Variants in TG observed in about 807,000 individuals in gnomAD.
TG encodes the protein thyroglobulin, also known as thyroid hormones.
TG carries 270 observed loss-of-function variants against 324.7 expected under a neutral mutation model. The observed-to-expected ratio is 0.83, with a 90% confidence interval of 0.75 to 0.92. TG has a LOEUF of 0.92. Among genes scored for constraint, TG ranks in the 40% least tolerant of loss-of-function variants. TG has a pLI of 0.00. For missense variants in TG, 3,591 were observed against 3,456.4 expected, an observed-to-expected ratio of 1.04 and a Z score of -0.98; for synonymous variants, 1,401 against 1,327.0, an observed-to-expected ratio of 1.06 and a Z score of -1.21.
chr8:133,050,072 C>T, intron 41 of TG: 1 of 916,110 alleles, frequency 1.1e-6, no homozygotes, highest in Non-Finnish European at 1.8e-6. Flanking sequence ...TCAGATTTAA[C>T]CCAGGACAGT....
chr8:133,009,918 A>G (rs558108563), intron 35 of TG, among the ~76,000 whole-genome samples: 2 of 152,276 alleles, frequency 1.3e-5, no homozygotes, highest in Non-Finnish European at 2.9e-5. Flanking sequence ...TTGAGCAACC[A>G]AAACATGGCA....
At position 133,013,471 on chromosome 8, in the gene TG, A is replaced by G. The variant is rs1328235998; in HGVS notation, c.6398-129A>G. 3.5e-6 allele frequency: 4 copies of G among 1,140,638 alleles called. No individual in the cohort carries two copies. The African/African-American group carries it at 4.6e-5, about 13-fold the overall frequency. The allele number at this position is 1,140,638 out of a possible 1,614,324, so 70.7% of individuals were successfully genotyped here. The stretch of plus-strand genomic sequence containing the variant: ...GATAGACGGATGGATTCATGGATGC[A>G]TGATTGGATAGAAGGATGGATGGAT... On this transcript the variant is annotated intron_variant, in intron 36 of 47. Transcript: ENST00000220616.
chr8:133,061,125 C>A (rs1842314487), intron 41 of TG, among the ~76,000 whole-genome samples: 1 of 152,226 alleles, frequency 6.6e-6, no homozygotes, highest in Non-Finnish European at 1.5e-5. Context: ...ATTCTCCTGC[C>A]TCAGCCTTCC....
intron 16 of TG, among the ~76,000 whole-genome samples, chr8:132,903,798 C>A (rs1005918483): frequency 1.4e-4 from 22 of 152,170 alleles, no homozygotes; most frequent in African/African-American, 5.1e-4. Context: ...GCCAGGTGAC[C>A]TTGGGCTGGT....
At chr8:132,879,888 T>C (rs1424934728) in intron 5 of TG, among the ~76,000 whole-genome samples, 1 of 152,248 alleles carries the variant, frequency 6.6e-6, no homozygotes, top group Non-Finnish European at 1.5e-5. Flanking sequence ...GTGGAGGTCA[T>C]GTCTGCCATG....
intron 27 of TG, among the ~76,000 whole-genome samples, chr8:132,949,549 C>T (rs1426822968): frequency 3.9e-5 from 6 of 152,128 alleles, no homozygotes; most frequent in Non-Finnish European, 5.9e-5. Flanking sequence ...CAATCTGTCC[C>T]CCAAACTAAT....
chr8:132,886,376 G>T, intron 8 of TG, 72 bp from the exon 9 acceptor site: 1 of 1,598,858 alleles, frequency 6.3e-7, no homozygotes, highest in East Asian at 2.2e-5. Context: ...CTACCTAAAG[G>T]ATCTGAGGAG....
chr8:133,036,706 C>G (rs1207302933), intron 41 of TG: 1 of 152,654 alleles, frequency 6.6e-6, no homozygotes, highest in Non-Finnish European at 1.5e-5. Flanking sequence ...CCATCCTCCT[C>G]AACCCAGAAA....
At chr8:132,883,125 C>T in intron 8 of TG, 126 bp downstream of exon 8, 1 of 979,506 alleles carries the variant, frequency 1.0e-6, no homozygotes, top group South Asian at 1.7e-5. Flanking sequence ...GCCCTTCAAG[C>T]TCAACCTGTC....
At chr8:132,950,078 A>G (rs1176629794) in intron 27 of TG, among the ~76,000 whole-genome samples, 1 of 152,262 alleles carries the variant, frequency 6.6e-6, no homozygotes, top group East Asian at 1.9e-4. Flanking sequence ...CAAGTGGTCC[A>G]GATAATGCTT....
At chr8:132,908,596 G>A (rs1819036351) in intron 18 of TG, among the ~76,000 whole-genome samples, 1 of 152,086 alleles carries the variant, frequency 6.6e-6, no homozygotes, top group Non-Finnish European at 1.5e-5. Context: ...GTCTTTTGAT[G>A]TCAAGGCTGA....
rs545089779 is a variant in TG, at chr8:132,907,332, G to A, written c.3847+432G>A. ...TCCCCAAGACCACCTGGACTTCCAG[G>A]GCTAATGCCTGGCTTAGCAGGAGGC... On this transcript the variant is annotated intron_variant, in intron 17 of 47. Coordinates refer to ENST00000220616, the MANE Select transcript of TG (RefSeq NM_003235.5). 3.3e-5 allele frequency among the ~76,000 whole-genome samples: 5 copies of A among 152,220 alleles called. No individual in the cohort carries two copies. In the South Asian group the frequency reaches 8.3e-4, roughly 25 times the overall value.
intron 35 of TG, chr8:133,001,732 TC>T: frequency 1.0e-6 from 1 of 985,444 alleles, no homozygotes; most frequent in Non-Finnish European, 1.2e-6. Context: ...CGTACAGGCC[TC>T]CAAGGCAGCT....
Position 133,105,634 on chromosome 8 carries a change from G to A in TG, c.7573-7788G>A, listed in dbSNP as rs138013937. ...GTGAGGCATTTATATGAAGGTATGA[G>A]GTTCAAGCTGGAGAGAGATTTGGGA... On this transcript the variant is annotated intron_variant, in intron 43 of 47. Coordinates refer to ENST00000220616, the MANE Select transcript of TG (RefSeq NM_003235.5). Among the ~76,000 whole-genome samples the A allele has an allele frequency of 2.6e-4, 40 of 152,246 alleles. No individual in the cohort carries two copies. In the East Asian group the frequency reaches 7.5e-3, roughly 29 times the overall value.
At chr8:133,123,569 C>A (rs1851302514) in intron 45 of TG, among the ~76,000 whole-genome samples, 1 of 152,188 alleles carries the variant, frequency 6.6e-6, no homozygotes, top group South Asian at 2.1e-4. Flanking sequence ...ATCTCTTTGA[C>A]TCACCGGTGA....
chr8:133,099,831 A>G (rs1588095889), intron 43 of TG, among the ~76,000 whole-genome samples: 1 of 151,596 alleles, frequency 6.6e-6, no homozygotes, highest in Admixed American at 6.6e-5. Flanking sequence ...CTGCTCCCCT[A>G]CCTCTTCTGC....
chr8:133,105,859 G>C (rs1011910644), intron 43 of TG, among the ~76,000 whole-genome samples: 5 of 152,140 alleles, frequency 3.3e-5, no homozygotes, highest in African/African-American at 1.2e-4. Context: ...ATGGAGAGGT[G>C]GGGGATGGGG....
intron 41 of TG, chr8:133,050,551 T>C (rs1214722684): frequency 5.2e-6 from 2 of 383,782 alleles, no homozygotes; most frequent in Middle Eastern, 7.1e-4. Flanking sequence ...AAGAAGAATA[T>C]GAGAAGAGGC....
At chr8:133,096,643 G>A (rs1220532324) in intron 43 of TG, among the ~76,000 whole-genome samples, 1 of 152,206 alleles carries the variant, frequency 6.6e-6, no homozygotes, top group Admixed American at 6.5e-5. Flanking sequence ...GCTCAGGGCT[G>A]CAAGTTAGAA....
Sources: gnomAD v4.1 joint callset for allele counts (sites outside exome capture counted in the v4.1 genomes callset) on GRCh38, gnomAD v4.1.1 for gene constraint, MANE v1.5 for transcripts, NCBI Gene and HGNC (gene_info 2026-07-23, HGNC 2026-07-21) for gene names.